Variants in RMI1 observed in about 807,000 individuals in gnomAD.
RMI1 encodes recQ-mediated genome instability protein 1.
RMI1 carries 36 observed loss-of-function variants against 46.7 expected under a neutral mutation model. The ratio of observed to expected loss-of-function variants is 0.77; its 90% CI spans 0.59 to 1.02. The LOEUF is 1.02. RMI1 is among the 50% of genes least tolerant of loss of function. The pLI, the probability that RMI1 is intolerant of heterozygous loss-of-function variation, is 0.00. For synonymous variants in RMI1, 250 were observed against 252.9 expected (o/e 0.99, Z 0.11); for missense variants, 676 against 713.7 (o/e 0.95, Z 0.60).
At chr9:83,993,766 A>G (rs1417072166) in intron 1 of RMI1, among the ~76,000 whole-genome samples, 5 of 151,722 alleles carry the variant, frequency 3.3e-5, no homozygotes, top group African/African-American at 1.2e-4. Flanking sequence ...ATGCTTATTG[A>G]CCATTGTATA....
Position 84,002,651 on chromosome 9 carries a change from G to T in RMI1, c.1665G>T (p.Gly555=). The T allele has an allele frequency of 6.2e-7, 1 of 1,613,874 alleles. No homozygotes were observed. Among genetic ancestry groups the T allele is most frequent in the Non-Finnish European group, 8.5e-7 (1 of 1,179,894 alleles). Residue 555 remains glycine, a synonymous_variant, in exon 3 of 3, where the codon GGG becomes GGT. Coordinates refer to ENST00000445877, the MANE Select transcript of RMI1 (RefSeq NM_001358291.2). ...FVDEILTSLI[G]FSVPEMKQSK... is the part of the protein sequence containing the mutation. The stretch of plus-strand genomic sequence containing the variant: ...ATGAAATACTTACTAGCTTGATAGG[G>T]TTCTCAGTACCAGAAATGAAACAGT...
intron 1 of RMI1, among the ~76,000 whole-genome samples, chr9:83,998,393 G>A (rs2133126212): frequency 6.6e-6 from 1 of 151,930 alleles, no homozygotes; most frequent in African/African-American, 2.4e-5. Flanking sequence ...CTGTTTATAG[G>A]TTCCTGAGAA....
At chr9:83,994,229 T>G (rs1215101964) in intron 1 of RMI1, among the ~76,000 whole-genome samples, 1 of 152,218 alleles carries the variant, frequency 6.6e-6, no homozygotes, top group African/African-American at 2.4e-5. Context: ...TGCAAATATT[T>G]TCTCCCATTC....
chr9:83,989,984 C>T (rs1030568964), intron 1 of RMI1, among the ~76,000 whole-genome samples: 10 of 152,180 alleles, frequency 6.6e-5, no homozygotes, highest in African/African-American at 2.4e-4. Flanking sequence ...TGTATATATA[C>T]ACGGAATATT....
At chr9:83,991,048 C>T (rs987641756) in intron 1 of RMI1, among the ~76,000 whole-genome samples, 2 of 152,068 alleles carry the variant, frequency 1.3e-5, no homozygotes. Context: ...CTCAGGTGAT[C>T]CACCCGCCTC....
chr9:83,985,673 C>T (rs1957478078), intron 1 of RMI1, among the ~76,000 whole-genome samples: 1 of 152,166 alleles, frequency 6.6e-6, no homozygotes. Flanking sequence ...CAGAATTCAT[C>T]CCAACTCTTG....
At chr9:83,983,713 T>A (rs1376759757) in intron 1 of RMI1, among the ~76,000 whole-genome samples, 1 of 152,126 alleles carries the variant, frequency 6.6e-6, no homozygotes, top group African/African-American at 2.4e-5. Flanking sequence ...TTTATTTTCT[T>A]TTGTTCAGTT....
chr9:84,001,366 G>A lies in RMI1; in HGVS notation c.380G>A (p.Trp127Ter). 1 of 1,614,064 alleles carries A rather than the reference G, an allele frequency of 6.2e-7. No individual in the cohort carries two copies. The highest frequency in any genetic ancestry group is 8.5e-7 in the Non-Finnish European group (1 of 1,179,982). ...GAAGCACAAGTAACCCCAAAACCTT[G>A]GGAAGCAAAGCCTTCACGAATGTTG... ...TAEAQVTPKP[W>*]EAKPSRMLML... Residue 127 changes from tryptophan (W) to a stop codon, truncating the protein, a stop_gained, in exon 3 of 3, where the codon TGG (tryptophan) becomes TAG (stop). Coordinates refer to ENST00000445877, the MANE Select transcript of RMI1 (RefSeq NM_001358291.2). LOFTEE classifies it high-confidence loss of function.
chr9:83,991,325 A>G (rs1311602496), intron 1 of RMI1, among the ~76,000 whole-genome samples: 1 of 149,652 alleles, frequency 6.7e-6, no homozygotes, highest in African/African-American at 2.5e-5. Flanking sequence ...TTTTTAACTA[A>G]TATTTTTTAG....
Position 84,002,090 on chromosome 9 carries a change from T to C in RMI1, c.1104T>C (p.Asn368=). ...TTNNFSLTCK[N]GNNNWSEKNV... is the part of the protein sequence containing the mutation. Reference sequence around the variant, plus strand: ...ATAACTTTTCTTTGACTTGCAAAAATGGAAACAATAATTGGAGTGAAAAAA... The same window carrying C: ...ATAACTTTTCTTTGACTTGCAAAAACGGAAACAATAATTGGAGTGAAAAAA... Residue 368 remains asparagine, a synonymous_variant, in exon 3 of 3, where the codon AAT becomes AAC. Transcript: ENST00000445877. 1 of 1,613,804 alleles carries C rather than the reference T, an allele frequency of 6.2e-7. No individual in the cohort carries two copies. The highest frequency in any genetic ancestry group is 8.5e-7 in the Non-Finnish European group (1 of 1,179,902).
chr9:83,985,997 A>G (rs1326333100), intron 1 of RMI1, among the ~76,000 whole-genome samples: 1 of 152,144 alleles, frequency 6.6e-6, no homozygotes, highest in Non-Finnish European at 1.5e-5. Context: ...CGACAGAGCA[A>G]GACTCCAAAA....
rs1408898957 is a variant in RMI1, at chr9:83,996,752, T to A, written c.-125-2957T>A. Among the ~76,000 whole-genome samples the A allele has an allele frequency of 1.2e-4, 19 of 152,272 alleles. No individual in the cohort carries two copies. In the East Asian group the frequency reaches 3.7e-3, roughly 29 times the overall value. On this transcript the variant is annotated intron_variant, in intron 1 of 2. Transcript: ENST00000445877. ...AGAGGTTTAAATTGGCTTATGGTTC[T>A]GCAGGCTGTACAGGAGCAGGCTGGG...
rs140321176 is a variant in RMI1, at chr9:83,982,661, C to A, written c.-126+1770C>A. On this transcript the variant is annotated intron_variant, in intron 1 of 2. Transcript: ENST00000445877. ...CCAGCCTGGGCGACAGAGCGAGACC[C>A]TGTCTCAAAAACAAAAACAAAAACA... is the stretch of plus-strand genomic sequence containing the variant. 7.9e-3 allele frequency among the ~76,000 whole-genome samples: 1,200 copies of A among 151,796 alleles called. 29 individuals are homozygous for A. Among genetic ancestry groups the A allele is most frequent in the East Asian group, 0.033 (172 of 5,172 alleles).
In RMI1 at chr9:84,003,349, AT is replaced by A. The variant is rs1469324140; in HGVS notation, c.*486del. On this transcript the variant is annotated 3_prime_UTR_variant, in exon 3 of 3. Transcript: ENST00000445877. ...TTAAAAGTAACTGTTAGATGGAGGA[AT>A]ATGGTGACCCACTATTGTTGAGAAA... 6.0e-6 allele frequency: 1 copy of A among 167,242 alleles called. No individual in the cohort carries two copies. The highest frequency in any genetic ancestry group is 1.5e-5 in the Non-Finnish European group (1 of 68,238). The allele number at this position is 167,242 out of a possible 1,614,324, so 10.4% of individuals were successfully genotyped here.
rs1957532082 is a variant in RMI1, at chr9:83,989,147, C to T, written c.-126+8256C>T. Reference sequence around the variant, plus strand: ...GTGCCAGGCTTATAGGTGTGAGCCACTATGCCTGGACTGAAGTATCCTTTC... The same window carrying T: ...GTGCCAGGCTTATAGGTGTGAGCCATTATGCCTGGACTGAAGTATCCTTTC... On this transcript the variant is annotated intron_variant, in intron 1 of 2. Coordinates refer to ENST00000445877, the MANE Select transcript of RMI1 (RefSeq NM_001358291.2). Among the ~76,000 whole-genome samples, 3 of 152,176 alleles carry T rather than the reference C, an allele frequency of 2.0e-5. No individual in the cohort carries two copies. The South Asian group carries it at 6.2e-4, about 31-fold the overall frequency.
intron 1 of RMI1, among the ~76,000 whole-genome samples, chr9:83,994,465 A>G (rs1234648073): frequency 6.6e-6 from 1 of 152,144 alleles, no homozygotes; most frequent in African/African-American, 2.4e-5. Flanking sequence ...ATTTTGAGTT[A>G]ATTTTTGTAT....
chr9:83,997,595 TCTC>T (rs1221220227), intron 1 of RMI1, among the ~76,000 whole-genome samples: 1 of 151,732 alleles, frequency 6.6e-6, no homozygotes, highest in African/African-American at 2.4e-5. Flanking sequence ...AGGGGCTTCT[TCTC>T]CTCGTCTGTG....
intron 1 of RMI1, among the ~76,000 whole-genome samples, chr9:83,983,095 G>T (rs1957443773): frequency 6.6e-6 from 1 of 152,194 alleles, no homozygotes; most frequent in Non-Finnish European, 1.5e-5. Flanking sequence ...ACACTATCCA[G>T]CTGCATTATT....
At chr9:83,986,851 CT>C (rs1957497758) in intron 1 of RMI1, among the ~76,000 whole-genome samples, 1 of 152,210 alleles carries the variant, frequency 6.6e-6, no homozygotes. Flanking sequence ...TGATTCATTT[CT>C]TTTGAAGTTT....
Sources: allele counts gnomAD v4.1 joint callset (sites outside exome capture counted in the v4.1 genomes callset), GRCh38; gene constraint gnomAD v4.1.1; transcripts MANE v1.5; gene names NCBI Gene and HGNC (gene_info 2026-07-23, HGNC 2026-07-21).